Variants in SYT1 observed in about 807,000 individuals in gnomAD.
The protein encoded by SYT1 is synaptotagmin-1.
In SYT1, 8 loss-of-function variants were observed where a neutral mutation model predicts 44.8. The ratio of observed to expected loss-of-function variants is 0.18; its 90% confidence interval spans 0.10 to 0.32. The LOEUF is 0.32. SYT1 is among the 10% of genes least tolerant of loss of function. The pLI is 1.00. For missense variants in SYT1, 286 were observed against 509.3 expected (o/e 0.56, Z 4.22); for synonymous variants, 154 against 188.8 (o/e 0.82, Z 1.51).
intron 9 of SYT1, among the ~76,000 whole-genome samples, chr12:79,413,566 G>T (rs7295888): frequency 0.14 from 20,819 of 152,164 alleles, 1,861 homozygotes; most frequent in Middle Eastern, 0.33. Flanking sequence ...GCTGTTTGTA[G>T]CATTTCCTGA....
intron 3 of SYT1, among the ~76,000 whole-genome samples, chr12:79,099,021 A>G (rs529638488): frequency 2.6e-5 from 4 of 152,272 alleles, no homozygotes; most frequent in African/African-American, 4.8e-5. Flanking sequence ...AATTTTCTAC[A>G]TTGTAAGCAC....
intron 3 of SYT1, among the ~76,000 whole-genome samples, chr12:79,191,693 G>A (rs938337560): frequency 6.6e-6 from 1 of 152,072 alleles, no homozygotes; most frequent in Non-Finnish European, 1.5e-5. Flanking sequence ...TGCATGGTTA[G>A]TTGTTTCTTT....
At chr12:79,294,912 A>G (rs1438586254) in intron 6 of SYT1, among the ~76,000 whole-genome samples, 1 of 152,020 alleles carries the variant, frequency 6.6e-6, no homozygotes, top group African/African-American at 2.4e-5. Flanking sequence ...AAGATATTGA[A>G]GCATTAAAAT....
chr12:79,046,572 G>T (rs1268062774), intron 2 of SYT1: 1 of 151,896 alleles, frequency 6.6e-6, no homozygotes, highest in Non-Finnish European at 1.5e-5. Flanking sequence ...TCTTGAGAAG[G>T]GTTTAATTTT....
chr12:79,322,875 C>A (rs79598409), intron 8 of SYT1, among the ~76,000 whole-genome samples: 6,224 of 152,216 alleles, frequency 0.041, 174 homozygotes, highest in Non-Finnish European at 0.065. Context: ...CCCAGTAAGA[C>A]CCTCCTGAAA....
chr12:79,387,239 C>G (rs1160711744), intron 9 of SYT1, among the ~76,000 whole-genome samples: 5 of 152,186 alleles, frequency 3.3e-5, no homozygotes, highest in Non-Finnish European at 7.3e-5. Context: ...ATATTATGCA[C>G]TTTCAGTTGA....
At chr12:79,219,534 ATAGAG>A (rs555775381) in intron 4 of SYT1, among the ~76,000 whole-genome samples, 7 of 152,172 alleles carry the variant, frequency 4.6e-5, no homozygotes, top group South Asian at 2.1e-4. Context: ...ATGTTGTGAG[ATAGAG>A]TATAGTTTCA....
At chr12:79,039,462 C>G (rs1873367410) in intron 2 of SYT1, among the ~76,000 whole-genome samples, 1 of 151,878 alleles carries the variant, frequency 6.6e-6, no homozygotes, top group South Asian at 2.1e-4. Context: ...ACTTTCTCCT[C>G]TAAAATAAAG....
At chr12:79,181,027 TGAA>T (rs922268152) in intron 3 of SYT1, among the ~76,000 whole-genome samples, 15 of 152,078 alleles carry the variant, frequency 9.9e-5, no homozygotes, top group Admixed American at 2.0e-4. Flanking sequence ...TGCCGCCACA[TGAA>T]GAAGGACGTA....
At chr12:79,172,607 A>G (rs61927324) in intron 3 of SYT1, among the ~76,000 whole-genome samples, 12,279 of 151,788 alleles carry the variant, frequency 0.081, 647 homozygotes, top group African/African-American at 0.15. Context: ...ATGTGGGGCA[A>G]TCTAATATGA....
intron 8 of SYT1, among the ~76,000 whole-genome samples, chr12:79,325,357 TGAAAA>T (rs1881564227): frequency 6.6e-6 from 1 of 152,116 alleles, no homozygotes; most frequent in Admixed American, 6.5e-5. Flanking sequence ...ATGTTATGGC[TGAAAA>T]GAAAAGAAGC....
intron 9 of SYT1, among the ~76,000 whole-genome samples, chr12:79,377,848 A>G (rs949074701): frequency 1.3e-5 from 2 of 152,224 alleles, no homozygotes; most frequent in Non-Finnish European, 2.9e-5. Flanking sequence ...TTAGGGACAT[A>G]TTAAGCCTAT....
At chr12:79,366,598 G>A (rs763682895) in intron 9 of SYT1, among the ~76,000 whole-genome samples, 117 of 152,342 alleles carry the variant, frequency 7.7e-4, no homozygotes, top group Non-Finnish European at 1.2e-3. Context: ...GCCCTCTCCT[G>A]AGAGACAGCA....
At chr12:78,918,290 C>T (rs771496013) in intron 1 of SYT1, among the ~76,000 whole-genome samples, 8 of 152,158 alleles carry the variant, frequency 5.3e-5, no homozygotes, top group Non-Finnish European at 8.8e-5. Context: ...GATGTGAAAA[C>T]AGCCTTTCCC....
chr12:79,410,216 A>G (rs1274364618), intron 9 of SYT1, among the ~76,000 whole-genome samples: 1 of 152,182 alleles, frequency 6.6e-6, no homozygotes, highest in Non-Finnish European at 1.5e-5. Context: ...CTGATCATGT[A>G]TATTCACAGG....
intron 8 of SYT1, among the ~76,000 whole-genome samples, chr12:79,347,586 A>T (rs1882666939): frequency 6.6e-6 from 1 of 152,198 alleles, no homozygotes; most frequent in Non-Finnish European, 1.5e-5. Flanking sequence ...AATCTGCCTG[A>T]GTCTGCTTCC....
Position 79,429,592 on chromosome 12 carries a change from G to A in SYT1, c.929-14481G>A, listed in dbSNP as rs1438357071. 4.6e-5 allele frequency among the ~76,000 whole-genome samples: 7 copies of A among 151,488 alleles called. No homozygotes were observed. The South Asian group carries it at 1.0e-3, about 23-fold the overall frequency. Reference sequence around the variant, plus strand: ...CACCCAGGATGGAGTGCAGTGACGCGATCTCGGCTCACTGCAAGCTCCGCC... The same window carrying A: ...CACCCAGGATGGAGTGCAGTGACGCAATCTCGGCTCACTGCAAGCTCCGCC... On this transcript the variant is annotated intron_variant, in intron 9 of 10. Transcript: ENST00000261205.
chr12:79,404,009 G>A (rs1213566657), intron 9 of SYT1, among the ~76,000 whole-genome samples: 1 of 152,114 alleles, frequency 6.6e-6, no homozygotes, highest in Non-Finnish European at 1.5e-5. Context: ...ATCAAGATAA[G>A]TCATATTTTA....
At position 79,128,624 on chromosome 12, in the gene SYT1, A is replaced by C. The variant is rs571414732; in HGVS notation, c.-18+81262A>C. Among the ~76,000 whole-genome samples, 7 of 152,370 alleles carry C rather than the reference A, an allele frequency of 4.6e-5. No individual in the cohort carries two copies. In the South Asian group the frequency reaches 1.4e-3, roughly 32 times the overall value. ...TTGATACCCTATTAAAATCATCAAC[A>C]TGCCCCTGCAAAATTTGATAAAATC... On this transcript the variant is annotated intron_variant, in intron 3 of 10. Coordinates refer to ENST00000261205, the MANE Select transcript of SYT1 (RefSeq NM_005639.3).
Sources: allele counts gnomAD v4.1 joint callset (sites outside exome capture counted in the v4.1 genomes callset), GRCh38; gene constraint gnomAD v4.1.1; transcripts MANE v1.5; gene names NCBI Gene and HGNC (gene_info 2026-07-23, HGNC 2026-07-21).